The following CMIP variants were observed in gnomAD, a reference collection of about 807,000 sequenced individuals.
CMIP encodes the protein C-Maf-inducing protein.
CMIP carries 13 observed loss-of-function variants against 97.3 expected under a neutral mutation model. The ratio of observed to expected loss-of-function variants is 0.13; its 90% CI spans 0.09 to 0.21. The LOEUF (loss-of-function observed/expected upper bound fraction) is 0.21. Among genes scored for constraint, CMIP ranks in the 10% least tolerant of loss-of-function variants. CMIP has a pLI of 1.00. For missense variants in CMIP, 847 were observed against 1,024.9 expected (o/e 0.83, Z 2.37); for synonymous variants, 538 against 436.3 (o/e 1.23, Z -2.91).
intron 13 of CMIP, chr16:81,695,792 C>G (rs1445913300): frequency 6.5e-6 from 1 of 152,920 alleles, no homozygotes; most frequent in Non-Finnish European, 1.5e-5. Context: ...AATGTGAGAG[C>G]TGTGCTTTTG....
intron 3 of CMIP, among the ~76,000 whole-genome samples, chr16:81,650,479 G>A (rs2092414931): frequency 6.6e-6 from 1 of 152,158 alleles, no homozygotes; most frequent in East Asian, 1.9e-4. Flanking sequence ...AAGACTTGGG[G>A]TGATGGGCGG....
chr16:81,626,814 TGTG>T lies in CMIP; in HGVS notation c.477+5890_477+5892del, dbSNP rs1567618523. The stretch of plus-strand genomic sequence containing the variant: ...GTGTGTGTGTGTGTGTGTGTGTGTG[TGTG>T]GGGTGCATATGGGGTGACTATTTTA... On this transcript the variant is annotated intron_variant, in intron 3 of 20. Transcript: ENST00000537098. Among the ~76,000 whole-genome samples, 2 of 120,666 alleles carry T rather than the reference TGTG, an allele frequency of 1.7e-5. 1 individual carries two copies. The allele number at this position is 120,666 out of a possible 152,430, so 79.2% of individuals were successfully genotyped here.
rs746166777 is a variant in CMIP, at chr16:81,655,187, C to G, written c.640-2588C>G. ...GGTCTGGAGCTAGTAGCTGGAAAAA[C>G]AAACATCTGCCTTCGACCTCCGTGC... On this transcript the variant is annotated intron_variant, in intron 4 of 20. Transcript: ENST00000537098. The surrounding 1 kb of genome is among the most constrained non-coding windows in gnomAD (Gnocchi z 4.9). Among the ~76,000 whole-genome samples the G allele has an allele frequency of 2.0e-5, 3 of 152,176 alleles. No homozygotes were observed. The highest frequency in any genetic ancestry group is 2.9e-5 in the Non-Finnish European group (2 of 68,034).
chr16:81,569,798 C>G (rs561965511), intron 1 of CMIP, among the ~76,000 whole-genome samples: 1 of 152,214 alleles, frequency 6.6e-6, no homozygotes, highest in Non-Finnish European at 1.5e-5. Flanking sequence ...GTGTCAACCT[C>G]TCTGAGACTC....
At chr16:81,585,458 C>A (rs1354569188) in intron 1 of CMIP, among the ~76,000 whole-genome samples, 1 of 152,214 alleles carries the variant, frequency 6.6e-6, no homozygotes, top group African/African-American at 2.4e-5. Flanking sequence ...GAAACCCGTG[C>A]CCATCAGCAG....
chr16:81,698,709 C>T (rs1907046304), intron 14 of CMIP, among the ~76,000 whole-genome samples: 1 of 152,176 alleles, frequency 6.6e-6, no homozygotes, highest in African/African-American at 2.4e-5. Context: ...CGTTCATCTC[C>T]AGAACGTTCT....
intron 10 of CMIP, 68 bp from the exon 11 acceptor site, chr16:81,691,707 G>C: frequency 2.2e-6 from 3 of 1,384,788 alleles, no homozygotes; most frequent in Non-Finnish European, 3.1e-6. Flanking sequence ...GCCCATCTGG[G>C]ACCAAAAACA....
intron 9 of CMIP, among the ~76,000 whole-genome samples, chr16:81,677,990 G>C (rs929099509): frequency 6.6e-6 from 1 of 152,184 alleles, no homozygotes; most frequent in Non-Finnish European, 1.5e-5. Flanking sequence ...CCACTCAGTC[G>C]GTCAGCAAAT....
At position 81,627,608 on chromosome 16, in the gene CMIP, G is replaced by A. The variant is rs951598695; in HGVS notation, c.477+6682G>A. 1.3e-5 allele frequency among the ~76,000 whole-genome samples: 2 copies of A among 150,146 alleles called. No homozygotes were observed. The highest frequency in any genetic ancestry group is 3.0e-5 in the Non-Finnish European group (2 of 67,434). ...CTGTCTCTGCCCGGCTCTGGCCACG[G>A]AGTGTCCCCTGTGTCCAGCACTATG... On this transcript the variant is annotated intron_variant, in intron 3 of 20. Coordinates refer to ENST00000537098, the MANE Select transcript of CMIP (RefSeq NM_198390.3). The surrounding 1 kb of genome is among the most constrained non-coding windows in gnomAD (Gnocchi z 4.6).
At chr16:81,626,907 CTATTT>C (rs1290650038) in intron 3 of CMIP, among the ~76,000 whole-genome samples, 6 of 129,178 alleles carry the variant, frequency 4.6e-5, no homozygotes, top group Non-Finnish European at 9.6e-5. Flanking sequence ...TGTGGGGTGA[CTATTT>C]TATGTGTGTG....
intron 1 of CMIP, among the ~76,000 whole-genome samples, chr16:81,594,078 C>A (rs1409639520): frequency 2.0e-5 from 2 of 99,792 alleles, no homozygotes; most frequent in African/African-American, 8.1e-5. Context: ...CCCCTCTTCC[C>A]CCGCTCCTCC....
intron 1 of CMIP, among the ~76,000 whole-genome samples, chr16:81,454,752 C>T (rs1370510282): frequency 1.3e-5 from 2 of 152,174 alleles, no homozygotes; most frequent in African/African-American, 2.4e-5. Flanking sequence ...GAACAAAGCA[C>T]ATTGCTTAGA....
At chr16:81,595,322 A>G (rs1321702453) in intron 1 of CMIP, among the ~76,000 whole-genome samples, 1 of 151,652 alleles carries the variant, frequency 6.6e-6, no homozygotes, top group African/African-American at 2.4e-5. Context: ...CATAATTGGA[A>G]TCATACAATG....
At chr16:81,678,245 T>C in intron 9 of CMIP, 30 bp from the exon 10 acceptor site, 1 of 1,522,510 alleles carries the variant, frequency 6.6e-7, no homozygotes, top group Non-Finnish European at 8.8e-7. Context: ...GTGCCTGTAC[T>C]CATGTGCCCT....
At chr16:81,639,871 A>C (rs1370667854) in intron 3 of CMIP, among the ~76,000 whole-genome samples, 2 of 152,190 alleles carry the variant, frequency 1.3e-5, no homozygotes, top group African/African-American at 2.4e-5. Context: ...CAGGGTCAAG[A>C]ACCCTGCCTG....
chr16:81,494,548 A>C (rs2089456274), intron 1 of CMIP, among the ~76,000 whole-genome samples: 1 of 152,116 alleles, frequency 6.6e-6, no homozygotes, highest in South Asian at 2.1e-4. Context: ...CTCAGGAAGC[A>C]CGGTATCAAA....
chr16:81,707,290 G>C (rs1908257239), intron 20 of CMIP, among the ~76,000 whole-genome samples: 1 of 152,242 alleles, frequency 6.6e-6, no homozygotes, highest in Non-Finnish European at 1.5e-5. Flanking sequence ...GTGTGGCCTG[G>C]GGTGATCAGG....
chr16:81,562,919 C>A (rs1439290169), intron 1 of CMIP, among the ~76,000 whole-genome samples: 3 of 152,186 alleles, frequency 2.0e-5, no homozygotes, highest in African/African-American at 7.2e-5. Flanking sequence ...CCCTTGTCTG[C>A]TGGGATCTGC....
chr16:81,612,235 C>T (rs144072169), intron 2 of CMIP, among the ~76,000 whole-genome samples: 189 of 152,290 alleles, frequency 1.2e-3, no homozygotes, highest in African/African-American at 4.4e-3. Flanking sequence ...AGTGGCTGCC[C>T]ATCAGCAAAA....
Sources: gnomAD v4.1 joint callset for allele counts (sites outside exome capture counted in the v4.1 genomes callset) on GRCh38, gnomAD v4.1.1 for gene constraint, Gnocchi (gnomAD v3.1) non-coding constraint, MANE v1.5 for transcripts, NCBI Gene and HGNC (gene_info 2026-07-23, HGNC 2026-07-21) for gene names.